GABRR1: variants seen among roughly 807,000 people sequenced by gnomAD.
GABRR1 encodes the protein gamma-aminobutyric acid receptor subunit rho-1.
GABRR1 carries 59 observed loss-of-function variants against 55.5 expected under a neutral mutation model. The ratio of observed to expected loss-of-function variants is 1.06; its 90% CI spans 0.86 to 1.32. The LOEUF (loss-of-function observed/expected upper bound fraction) is 1.32. GABRR1 is among the 40% of genes most tolerant of loss of function. GABRR1 has a pLI of 0.00. For missense variants in GABRR1, 602 were observed against 619.1 expected (o/e 0.97, Z 0.29); for synonymous variants, 213 against 226.0 (o/e 0.94, Z 0.51).
At chr6:89,228,682 C>T (rs1422417856) in intron 1 of GABRR1, among the ~76,000 whole-genome samples, 3 of 129,698 alleles carry the variant, frequency 2.3e-5, no homozygotes, top group Middle Eastern at 3.9e-3. Flanking sequence ...GCTTTACTTC[C>T]AAGTATGTGG....
intron 5 of GABRR1, among the ~76,000 whole-genome samples, chr6:89,197,558 C>T (rs1772338252): frequency 6.6e-6 from 1 of 152,226 alleles, no homozygotes; most frequent in Non-Finnish European, 1.5e-5. Context: ...AATGGCACGT[C>T]AAGTCATAAA....
intron 1 of GABRR1, among the ~76,000 whole-genome samples, chr6:89,211,218 G>A (rs977286217): frequency 6.6e-6 from 1 of 152,046 alleles, no homozygotes; most frequent in African/African-American, 2.4e-5. Flanking sequence ...AAATTTCAAG[G>A]CGTTGAGGGT....
chr6:89,198,153 C>T lies in GABRR1; in HGVS notation c.439G>A (p.Gly147Ser). 6.2e-7 allele frequency: 1 copy of T among 1,614,054 alleles called. No homozygotes were observed. The highest frequency in any genetic ancestry group is 1.1e-5 in the South Asian group (1 of 91,066). ...STNNLSMTFDGRLVKKIWVPD... is the reference protein window; with the variant it reads ...STNNLSMTFDSRLVKKIWVPD... ...ACCCAGATCTTCTTGACCAGCCGGCCGTCAAACGTCATGCTGAGGTTGTTG... is the reference window on the plus strand; with the variant it reads ...ACCCAGATCTTCTTGACCAGCCGGCTGTCAAACGTCATGCTGAGGTTGTTG... Residue 147 changes from glycine to serine, a missense_variant, in exon 5 of 10, where the codon GGC becomes AGC. By Grantham distance (56) the Gly-to-Ser change is moderately conservative. This residue lies in a region of GABRR1 where 435 missense variants were observed against 424.2 expected (regional missense o/e 1.03). Transcript: ENST00000454853.
intron 2 of GABRR1, among the ~76,000 whole-genome samples, chr6:89,201,569 G>T (rs1036606419): frequency 2.0e-5 from 3 of 152,180 alleles, no homozygotes; most frequent in African/African-American, 7.2e-5. Context: ...CACGAGGTCA[G>T]GAGATCGAGA....
At chr6:89,220,118 A>G (rs574413769), upstream of GABRR1, among the ~76,000 whole-genome samples, 2 of 152,300 alleles carry the variant, frequency 1.3e-5, no homozygotes, top group Non-Finnish European at 2.9e-5. Flanking sequence ...TAAGGCATTA[A>G]ATTGGGGAGG....
At chr6:89,219,195 G>A (rs1385072807), upstream of GABRR1, among the ~76,000 whole-genome samples, 2 of 152,156 alleles carry the variant, frequency 1.3e-5, no homozygotes, top group African/African-American at 4.8e-5. Flanking sequence ...GAACCTGGGA[G>A]GTGGAAGTTG....
chr6:89,179,632 A>T (rs1771654770), intron 9 of GABRR1, among the ~76,000 whole-genome samples: 1 of 152,248 alleles, frequency 6.6e-6, no homozygotes, highest in South Asian at 2.1e-4. Flanking sequence ...CCTGTTCTCC[A>T]TGAGATCATA....
At chr6:89,198,905 C>A (rs1370378371) in intron 4 of GABRR1, among the ~76,000 whole-genome samples, 3 of 151,978 alleles carry the variant, frequency 2.0e-5, no homozygotes, top group Non-Finnish European at 4.4e-5. Flanking sequence ...TAAGGTAGGT[C>A]CCTAAAATAT....
chr6:89,179,605 C>T (rs1364692621), intron 9 of GABRR1, among the ~76,000 whole-genome samples: 1 of 152,218 alleles, frequency 6.6e-6, no homozygotes, highest in Non-Finnish European at 1.5e-5. Flanking sequence ...CAAGAATGCT[C>T]ATGATTCATA....
chr6:89,192,338 T>A (rs1772124437), intron 5 of GABRR1, among the ~76,000 whole-genome samples: 1 of 152,090 alleles, frequency 6.6e-6, no homozygotes, highest in Non-Finnish European at 1.5e-5. Context: ...CTGATCCCAC[T>A]ATGGCAAAAA....
intron 2 of GABRR1, among the ~76,000 whole-genome samples, chr6:89,202,080 C>T (rs965161340): frequency 6.6e-6 from 1 of 152,136 alleles, no homozygotes; most frequent in Non-Finnish European, 1.5e-5. Context: ...AAATGCTGAC[C>T]ATCCTGTTTG....
intron 2 of GABRR1, 46 bp downstream of exon 2, chr6:89,203,389 C>A (rs4590241): frequency 1.3e-6 from 2 of 1,548,838 alleles, no homozygotes; most frequent in South Asian, 2.2e-5. Context: ...TTGAGGTTCA[C>A]GGAGGAAACA....
At position 89,177,935 on chromosome 6, in the gene GABRR1, G is replaced by A. The variant is rs979509990; in HGVS notation, c.*835C>T. On this transcript the variant is annotated 3_prime_UTR_variant, in exon 10 of 10. Transcript: ENST00000454853. ...AATCATTCTCTACCCAAGTTCCTCA[G>A]TGAAGATATCACATCACTGAGAAAG... 16 of 152,142 alleles carry A rather than the reference G, an allele frequency of 1.1e-4. No individual in the cohort carries two copies. Among genetic ancestry groups the A allele is most frequent in the African/African-American group, 3.6e-4 (15 of 41,426 alleles). 9.4% of individuals were successfully genotyped at this position (152,142 alleles called of 1,614,324 possible). A position where few individuals can be genotyped will look rare whatever the true frequency, so the allele number is the denominator to read the frequency against.
At chr6:89,205,716 G>C (rs1772619604) in intron 1 of GABRR1, 2 of 152,170 alleles carry the variant, frequency 1.3e-5, no homozygotes, top group Admixed American at 1.3e-4. Flanking sequence ...CATCTGATAA[G>C]TTACACTTCA....
intron 5 of GABRR1, among the ~76,000 whole-genome samples, chr6:89,196,806 GAAA>G: frequency 1.2e-5 from 1 of 85,066 alleles, no homozygotes; most frequent in Non-Finnish European, 2.4e-5. Context: ...AAGAAAAGAA[GAAA>G]GAAAGAAAAG....
At position 89,203,460 on chromosome 6, in the gene GABRR1, G is replaced by A; in HGVS notation, c.148C>T (p.His50Tyr). ...CTGACTTGCTTGTGGGCATCTTCAT[G>A]TACTTCTCGTCTTTGTCTTTGGGGC... Reference protein sequence around the residue: ...GRPQRQRREVHEDAHKQVSPI... With the variant: ...GRPQRQRREVYEDAHKQVSPI... The change falls in exon 2 of 10, where the codon CAT becomes TAT. Residue 50 changes from histidine (H) to tyrosine (Y), a missense_variant. Transcript: ENST00000454853. The A allele has an allele frequency of 6.2e-7, 1 of 1,613,336 alleles. No individual in the cohort carries two copies. The highest frequency in any genetic ancestry group is 8.5e-7 in the Non-Finnish European group (1 of 1,179,326).
At chr6:89,183,262 G>C (rs960685861) in intron 7 of GABRR1, among the ~76,000 whole-genome samples, 4 of 152,128 alleles carry the variant, frequency 2.6e-5, no homozygotes, top group African/African-American at 9.7e-5. Context: ...GGCACCCTGG[G>C]TCATTATAAT....
chr6:89,204,875 C>A (rs1291102790), intron 1 of GABRR1, among the ~76,000 whole-genome samples: 1 of 152,058 alleles, frequency 6.6e-6, no homozygotes, highest in Non-Finnish European at 1.5e-5. Context: ...TCTGTATTTT[C>A]TTATGATTCT....
At chr6:89,179,201 T>C in intron 9 of GABRR1, 138 bp from the exon 10 acceptor site, 1 of 832,200 alleles carries the variant, frequency 1.2e-6, no homozygotes, top group Non-Finnish European at 1.8e-6. Flanking sequence ...TCCTGTTTTG[T>C]TTTGTTTTTG....
Sources: gnomAD v4.1 joint callset for allele counts (sites outside exome capture counted in the v4.1 genomes callset) on GRCh38, gnomAD v4.1.1 for gene constraint, gnomAD v4.1.1 regional missense constraint, MANE v1.5 for transcripts, NCBI Gene and HGNC (gene_info 2026-07-23, HGNC 2026-07-21) for gene names.